FHIP2B: variants seen among roughly 807,000 people sequenced by gnomAD.
FHIP2B encodes FHF complex subunit HOOK interacting protein 2B.
Under a neutral mutation model 84.0 loss-of-function variants are expected in FHIP2B, and 72 were observed. The ratio of observed to expected loss-of-function variants is 0.86; its 90% CI spans 0.71 to 1.04. The LOEUF is 1.04. Ranked by LOEUF, FHIP2B falls within the 50% of genes least tolerant of loss-of-function variation. The pLI, the probability that FHIP2B is intolerant of heterozygous loss-of-function variation, is 0.00. For synonymous variants in FHIP2B, 497 were observed against 418.7 expected (o/e 1.19, Z -2.28); for missense variants, 972 against 968.9 (o/e 1.00, Z -0.04).
chr8:22,092,117 A>C (rs1015569763), intron 1 of FHIP2B, among the ~76,000 whole-genome samples: 1 of 148,712 alleles, frequency 6.7e-6, no homozygotes, highest in African/African-American at 2.5e-5. Context: ...GCCCCTACCA[A>C]CTAGCTTTGC....
At position 22,099,073 on chromosome 8, in the gene FHIP2B, G is replaced by T; in HGVS notation, c.1074+17G>T. The stretch of plus-strand genomic sequence containing the variant: ...GCACACACGGTGAGCAGGGGCGGGC[G>T]GAGGCCGGGCTCTCATGCTGTTCCC... On this transcript the variant is annotated intron_variant, in intron 8 of 16. Coordinates refer to ENST00000289921, the MANE Select transcript of FHIP2B (RefSeq NM_022749.7). 6.4e-7 allele frequency: 1 copy of T among 1,566,254 alleles called. No individual in the cohort carries two copies. Among genetic ancestry groups the T allele is most frequent in the Non-Finnish European group, 8.7e-7 (1 of 1,153,008 alleles).
intron 7 of FHIP2B, 44 bp downstream of exon 7, chr8:22,098,663 T>C (rs1825931836): frequency 6.7e-7 from 1 of 1,489,924 alleles, no homozygotes; most frequent in South Asian, 1.3e-5. Flanking sequence ...CTTCAGTTGC[T>C]GGCAGCCCTG....
intron 3 of FHIP2B, 110 bp downstream of exon 3, chr8:22,096,619 C>T (rs1825786370): frequency 7.3e-7 from 1 of 1,377,442 alleles, no homozygotes; most frequent in Non-Finnish European, 9.4e-7. Flanking sequence ...GGTGGGAGAC[C>T]CTCTGAGTGC....
chr8:22,097,345 G>C (rs1825827566), intron 3 of FHIP2B, among the ~76,000 whole-genome samples, 171 bp from the exon 4 acceptor site: 1 of 144,654 alleles, frequency 6.9e-6, no homozygotes. Context: ...CATGCGGCAG[G>C]CAGGGGACAC....
Position 22,094,430 on chromosome 8 carries a change from CCCTCCGCAGCGCGAGCCCAGCATTGA to C in FHIP2B, c.46-6_65del, listed in dbSNP as rs1438865871. The C allele has an allele frequency of 6.3e-7, 1 of 1,594,522 alleles. No homozygotes were observed. The highest frequency in any genetic ancestry group is 1.4e-5 in the African/African-American group (1 of 73,376). On this transcript the variant is annotated splice_acceptor_variant and splice_polypyrimidine_tract_variant and coding_sequence_variant and intron_variant, in exon 2 of 17. Coordinates refer to ENST00000289921, the MANE Select transcript of FHIP2B (RefSeq NM_022749.7). LOFTEE classifies it high-confidence loss of function. ...GGCCCCCACTGAGGTTGTGTGTCTG[CCCTCCGCAGCGCGAGCCCAGCATTGA>C]CCTGCTGCAGGCCTTCGTGGAGCAC...
In FHIP2B at chr8:22,097,624, AG is replaced by A; in HGVS notation, c.402+8del. The stretch of plus-strand genomic sequence containing the variant: ...CAGCGTCCACAGGCCTGTGCAGGTG[AG>A]GGGCCCGGAAGCCAAGGGGTGTCTG... On this transcript the variant is annotated splice_donor_5th_base_variant and intron_variant, in intron 4 of 16. Transcript: ENST00000289921. The A allele has an allele frequency of 6.2e-7, 1 of 1,604,610 alleles. No homozygotes were observed. The highest frequency in any genetic ancestry group is 8.5e-7 in the Non-Finnish European group (1 of 1,175,982).
At chr8:22,102,726 C>G in intron 16 of FHIP2B, 67 bp from the exon 17 acceptor site, 1 of 1,604,114 alleles carries the variant, frequency 6.2e-7, no homozygotes, top group Non-Finnish European at 8.5e-7. Flanking sequence ...CTCGTGGATG[C>G]TGGGCTGTCA....
intron 1 of FHIP2B, chr8:22,089,877 T>A: frequency 8.0e-7 from 1 of 1,256,050 alleles, no homozygotes; most frequent in Non-Finnish European, 1.0e-6. Context: ...GGCAGGCTGG[T>A]GGGCCCCCAG....
chr8:22,097,256 GCT>G (rs1825821430), intron 3 of FHIP2B, among the ~76,000 whole-genome samples: 1 of 152,176 alleles, frequency 6.6e-6, no homozygotes, highest in African/African-American at 2.4e-5. Context: ...TGAGCCTGGG[GCT>G]CTCTGGGGGT....
chr8:22,102,031 G>A, intron 14 of FHIP2B, 144 bp from the exon 15 acceptor site: 1 of 1,534,232 alleles, frequency 6.5e-7, no homozygotes, highest in Non-Finnish European at 8.7e-7. Flanking sequence ...CTGGCCCTCA[G>A]CCCCATGGAA....
chr8:22,090,309 C>T (rs1460873501), intron 1 of FHIP2B, among the ~76,000 whole-genome samples: 2 of 152,194 alleles, frequency 1.3e-5, no homozygotes, highest in African/African-American at 4.8e-5. Flanking sequence ...TCCTTCCTCC[C>T]CACCACCTCC....
chr8:22,094,046 G>A (rs776807585), intron 1 of FHIP2B, among the ~76,000 whole-genome samples: 26 of 152,062 alleles, frequency 1.7e-4, no homozygotes, highest in Non-Finnish European at 3.1e-4. Context: ...GTATCATTTT[G>A]CTTTTCTTTG....
In FHIP2B at chr8:22,102,946, G is replaced by A. The variant is rs748956182; in HGVS notation, c.*15G>A. The A allele has an allele frequency of 1.1e-5, 17 of 1,611,206 alleles. No individual in the cohort carries two copies. Among genetic ancestry groups the A allele is most frequent in the South Asian group, 6.6e-5 (6 of 90,764 alleles). On this transcript the variant is annotated 3_prime_UTR_variant, in exon 17 of 17. Coordinates refer to ENST00000289921, the MANE Select transcript of FHIP2B (RefSeq NM_022749.7). ...GGCAGGTCTGAGCCAGCACCAGGGC[G>A]GTGGGAGACTCCTGTCCACACCTCT... is the stretch of plus-strand genomic sequence containing the variant.
intron 14 of FHIP2B, 35 bp downstream of exon 14, chr8:22,101,886 C>T (rs754545608): frequency 2.5e-6 from 4 of 1,605,352 alleles, no homozygotes; most frequent in East Asian, 2.2e-5. Context: ...GAACTCCAGG[C>T]TGGTGCCTCT....
At chr8:22,090,957 G>A (rs1391262537) in intron 1 of FHIP2B, among the ~76,000 whole-genome samples, 1 of 152,174 alleles carries the variant, frequency 6.6e-6, no homozygotes, top group African/African-American at 2.4e-5. Context: ...AGAAGTACAG[G>A]CATCAGTGGC....
chr8:22,100,856 A>AG lies in FHIP2B; in HGVS notation c.1501dup (p.Asp501GlyfsTer60), dbSNP rs1826069110. 6.2e-7 allele frequency: 1 copy of AG among 1,613,718 alleles called. No individual in the cohort carries two copies. The highest frequency in any genetic ancestry group is 8.5e-7 in the Non-Finnish European group (1 of 1,179,886). ...GCCCTGGCCACAGAGACCTGGAGGA[A>AG]GACCCCTACTTCACCGACAGCTTCC... On this transcript the variant is annotated frameshift_variant, in exon 12 of 17. Coordinates refer to ENST00000289921, the MANE Select transcript of FHIP2B (RefSeq NM_022749.7). LOFTEE classifies it high-confidence loss of function.
chr8:22,100,006 G>C, intron 10 of FHIP2B, 113 bp downstream of exon 10: 1 of 1,126,374 alleles, frequency 8.9e-7, no homozygotes. Context: ...TTGAGACACT[G>C]AACTGCAAAA....
chr8:22,101,805 A>G lies in FHIP2B; in HGVS notation c.1805A>G (p.His602Arg). ...CCCGAGCGACCTTTCTTCGAGGGCC[A>G]CTTCCTCCGAGTGCTGTTTGACCGC... ...HEPERPFFEG[H>R]FLRVLFDRMS... is the part of the protein sequence containing the mutation. Residue 602 changes from histidine to arginine, a missense_variant, in exon 14 of 17, where the codon CAC becomes CGC. Coordinates refer to ENST00000289921, the MANE Select transcript of FHIP2B (RefSeq NM_022749.7). 6.2e-7 allele frequency: 1 copy of G among 1,613,524 alleles called. No individual in the cohort carries two copies. Among genetic ancestry groups the G allele is most frequent in the East Asian group, 2.2e-5 (1 of 44,854 alleles).
Position 22,102,580 on chromosome 8 carries a change from A to G in FHIP2B, c.2045A>G (p.Lys682Arg). The G allele has an allele frequency of 6.4e-7, 1 of 1,565,102 alleles. No homozygotes were observed. Among genetic ancestry groups the G allele is most frequent in the South Asian group, 1.2e-5 (1 of 85,014 alleles). The change falls in exon 16 of 17, where the codon AAG becomes AGG. Residue 682 changes from lysine (K) to arginine (R), a missense_variant. Transcript: ENST00000289921. The part of the protein sequence containing the change: ...RIQRVPQFPG[K>R]LLLVRKQLTG... ...CAGAGGGTACCCCAGTTCCCAGGCA[A>G]GCTGCTCCTGGTGCGCAAGCAGTTG...
Sources: allele counts gnomAD v4.1 joint callset (sites outside exome capture counted in the v4.1 genomes callset), GRCh38; gene constraint gnomAD v4.1.1; transcripts MANE v1.5; gene names NCBI Gene and HGNC (gene_info 2026-07-23, HGNC 2026-07-21).